Variants in ACVR1C observed in about 807,000 individuals in gnomAD.
ACVR1C encodes activin A receptor type 1C, also known as activin receptor type-1C.
ACVR1C carries 23 observed loss-of-function variants against 57.9 expected under a neutral mutation model. That is an observed-to-expected ratio of 0.40 (90% CI 0.29 to 0.56). ACVR1C has a LOEUF of 0.56. ACVR1C is among the 20% of genes least tolerant of loss of function. The pLI is 0.50. For synonymous variants in ACVR1C, 214 were observed against 215.3 expected, an observed-to-expected ratio of 0.99 and a Z score of 0.05; for missense variants, 480 against 607.9, an observed-to-expected ratio of 0.79 and a Z score of 2.21.
rs967261722 is a variant in ACVR1C at position 157,554,286 on chromosome 2, A to G, written c.544+1807T>C. On this transcript the variant is annotated intron_variant, in intron 3 of 8. Transcript: ENST00000243349. ...AAGAAAGAAAGGAAGGAAGGAAGAG[A>G]GAGAGAGAGAGAAAGAAAGAAAGGA... Among the ~76,000 whole-genome samples the G allele has an allele frequency of 2.4e-3, 323 of 135,582 alleles. 8 individuals are homozygous for G. Among genetic ancestry groups the G allele is most frequent in the African/African-American group, 1.0e-2 (301 of 30,246 alleles). 88.9% of individuals were successfully genotyped at this position (135,582 alleles called of 152,430 possible). A position where few individuals can be genotyped will look rare whatever the true frequency, so the allele number is the denominator to read the frequency against.
intron 2 of ACVR1C, among the ~76,000 whole-genome samples, chr2:157,558,538 G>A (rs1266088707): frequency 6.6e-6 from 1 of 152,186 alleles, no homozygotes; most frequent in Non-Finnish European, 1.5e-5. Context: ...TTATCAGTAA[G>A]TAAAAGATTT....
intron 2 of ACVR1C, among the ~76,000 whole-genome samples, chr2:157,557,569 G>A (rs569619187): frequency 3.2e-4 from 49 of 152,252 alleles, no homozygotes; most frequent in African/African-American, 1.2e-3. Context: ...AGAGGAAGAA[G>A]TTTGCCTGCT....
chr2:157,612,868 T>C (rs1682563671), intron 1 of ACVR1C, among the ~76,000 whole-genome samples: 1 of 152,174 alleles, frequency 6.6e-6, no homozygotes, highest in African/African-American at 2.4e-5. Flanking sequence ...ATAGGGGCTA[T>C]GGTTACCAGG....
At chr2:157,604,671 T>A (rs1046005138) in intron 1 of ACVR1C, among the ~76,000 whole-genome samples, 3 of 151,992 alleles carry the variant, frequency 2.0e-5, no homozygotes, top group Non-Finnish European at 4.4e-5. Context: ...AAAGGGCTTG[T>A]ATCATTTTAC....
At chr2:157,614,849 G>A (rs1487853942) in intron 1 of ACVR1C, among the ~76,000 whole-genome samples, 1 of 152,096 alleles carries the variant, frequency 6.6e-6, no homozygotes, top group Non-Finnish European at 1.5e-5. Flanking sequence ...TTTTTCCATA[G>A]TTGTACTTTC....
chr2:157,553,935 C>A (rs1473689804), intron 3 of ACVR1C, among the ~76,000 whole-genome samples: 4 of 151,796 alleles, frequency 2.6e-5, no homozygotes, highest in Non-Finnish European at 5.9e-5. Context: ...GTAATCCCAG[C>A]ACTTTGGGTG....
intron 1 of ACVR1C, among the ~76,000 whole-genome samples, chr2:157,594,004 G>A (rs946561282): frequency 1.3e-5 from 2 of 152,114 alleles, no homozygotes; most frequent in African/African-American, 2.4e-5. Context: ...TAGCAATTAC[G>A]TTCCCTGTTA....
At chr2:157,590,092 C>A (rs1238877594) in intron 1 of ACVR1C, among the ~76,000 whole-genome samples, 1 of 151,624 alleles carries the variant, frequency 6.6e-6, no homozygotes, top group African/African-American at 2.4e-5. Flanking sequence ...AGAAAACCTA[C>A]AAACTATTCT....
chr2:157,604,294 A>G (rs1682344852), intron 1 of ACVR1C, among the ~76,000 whole-genome samples: 1 of 152,082 alleles, frequency 6.6e-6, no homozygotes, highest in Non-Finnish European at 1.5e-5. Flanking sequence ...CTCTGTCCCA[A>G]CTGCTGGCAA....
rs1242407078 is a variant in ACVR1C at position 157,533,133 on chromosome 2, A to T, written c.*785T>A. The stretch of plus-strand genomic sequence containing the variant: ...GATATTACATAGGGAGAAAAGCACT[A>T]TTCAAGGGAAAGTAGGAAGCTAGCT... On this transcript the variant is annotated 3_prime_UTR_variant, in exon 9 of 9. Coordinates refer to ENST00000243349, the MANE Select transcript of ACVR1C (RefSeq NM_145259.3). 6.6e-6 allele frequency: 1 copy of T among 152,208 alleles called. No individual in the cohort carries two copies. The highest frequency in any genetic ancestry group is 6.5e-5 in the Admixed American group (1 of 15,268). The allele number at this position is 152,208 out of a possible 1,614,324, so 9.4% of individuals were successfully genotyped here. A position where few individuals can be genotyped will look rare whatever the true frequency, so the allele number is the denominator to read the frequency against.
intron 7 of ACVR1C, among the ~76,000 whole-genome samples, chr2:157,539,807 G>A (rs1056085069): frequency 1.3e-5 from 2 of 152,094 alleles, no homozygotes; most frequent in Non-Finnish European, 2.9e-5. Context: ...GTCCATGTTC[G>A]GCACCACTAT....
At chr2:157,585,635 T>C (rs1688901778) in intron 2 of ACVR1C, among the ~76,000 whole-genome samples, 1 of 152,192 alleles carries the variant, frequency 6.6e-6, no homozygotes, top group Admixed American at 6.5e-5. Flanking sequence ...CTCTCCTTTT[T>C]ACCCCTAAAA....
intron 2 of ACVR1C, among the ~76,000 whole-genome samples, chr2:157,562,641 T>A (rs1011325370): frequency 1.2e-4 from 19 of 152,014 alleles, no homozygotes; most frequent in Admixed American, 1.1e-3. Flanking sequence ...ATCATCCTGA[T>A]ACCAAAACCT....
chr2:157,549,300 G>A (rs764682479), intron 4 of ACVR1C, among the ~76,000 whole-genome samples: 12 of 152,170 alleles, frequency 7.9e-5, no homozygotes, highest in Non-Finnish European at 1.5e-4. Context: ...AGGAGGTGGA[G>A]GTTGCAGTGA....
intron 1 of ACVR1C, among the ~76,000 whole-genome samples, chr2:157,592,516 G>T (rs1222041514): frequency 6.6e-6 from 1 of 152,072 alleles, no homozygotes; most frequent in East Asian, 1.9e-4. Flanking sequence ...TCAAACATCT[G>T]CTACATGTTC....
In ACVR1C at chr2:157,626,598, A is replaced by G. The variant is rs537269071; in HGVS notation, c.73+1974T>C. The stretch of plus-strand genomic sequence containing the variant: ...ATAAATGGCCAATATGATTAACAGT[A>G]TAATTTGTAAAAGTGACCAGGTAAA... On this transcript the variant is annotated intron_variant, in intron 1 of 8. Coordinates refer to ENST00000243349, the MANE Select transcript of ACVR1C (RefSeq NM_145259.3). 5.9e-5 allele frequency among the ~76,000 whole-genome samples: 9 copies of G among 152,384 alleles called. No individual in the cohort carries two copies. In the South Asian group the frequency reaches 1.7e-3, roughly 28 times the overall value.
chr2:157,578,196 T>C (rs1306378899), intron 2 of ACVR1C, among the ~76,000 whole-genome samples: 2 of 152,212 alleles, frequency 1.3e-5, no homozygotes, highest in African/African-American at 4.8e-5. Context: ...TGAGCCACCA[T>C]GCCCAGACCT....
At chr2:157,624,569 T>C (rs1329671675) in intron 1 of ACVR1C, among the ~76,000 whole-genome samples, 1 of 152,238 alleles carries the variant, frequency 6.6e-6, no homozygotes, top group Non-Finnish European at 1.5e-5. Context: ...CTTGTTTTTT[T>C]CACCCATATT....
At chr2:157,624,598 T>C (rs552204372) in intron 1 of ACVR1C, among the ~76,000 whole-genome samples, 10 of 152,188 alleles carry the variant, frequency 6.6e-5, no homozygotes, top group Non-Finnish European at 1.5e-4. Flanking sequence ...TAGATACTCA[T>C]GTAGGATTGG....
Sources: gnomAD v4.1 joint callset for allele counts (sites outside exome capture counted in the v4.1 genomes callset) on GRCh38, gnomAD v4.1.1 for gene constraint, MANE v1.5 for transcripts, NCBI Gene and HGNC (gene_info 2026-07-23, HGNC 2026-07-21) for gene names.